Variants in GNAT3 observed in about 807,000 individuals in gnomAD.
GNAT3 encodes guanine nucleotide-binding protein G(t) subunit alpha-3.
A neutral mutation model predicts 37.7 loss-of-function variants in GNAT3; 31 were observed. The observed-to-expected ratio is 0.82, with a 90% confidence interval of 0.62 to 1.11. The LOEUF is 1.11. Among genes scored for constraint, GNAT3 ranks in the 50% most tolerant of loss-of-function variants. The pLI, the probability that GNAT3 is intolerant of heterozygous loss-of-function variation, is 0.00. For synonymous variants in GNAT3, 138 were observed against 139.8 expected (o/e 0.99, Z 0.09); for missense variants, 437 against 412.5 (o/e 1.06, Z -0.51).
At chr7:80,470,225 T>C (rs1262320061) in intron 5 of GNAT3, among the ~76,000 whole-genome samples, 9 of 152,152 alleles carry the variant, frequency 5.9e-5, no homozygotes, top group Admixed American at 5.2e-4. Flanking sequence ...TGTTCTTTTT[T>C]TTTTTTCTTT....
At chr7:80,494,545 A>G (rs530102149) in intron 2 of GNAT3, 60 bp downstream of exon 2, 1 of 890,966 alleles carries the variant, frequency 1.1e-6, no homozygotes, top group African/African-American at 1.7e-5. Context: ...GTATTTTAAG[A>G]ATGGTCAAAT....
intron 3 of GNAT3, among the ~76,000 whole-genome samples, chr7:80,486,114 ATTTT>A (rs1175981288): frequency 6.6e-6 from 1 of 152,204 alleles, no homozygotes; most frequent in African/African-American, 2.4e-5. Context: ...TAAATAAACA[ATTTT>A]AAACAGGTCA....
Position 80,488,530 on chromosome 7 carries a change from C to T in GNAT3, c.303+5G>A. On this transcript the variant is annotated splice_donor_5th_base_variant and intron_variant, in intron 3 of 7. Transcript: ENST00000398291. ...ACATACAGCTGTCATTATTTGCATA[C>T]TTACTGCACTTCTGGGATTTACATA... 6.3e-7 allele frequency: 1 copy of T among 1,598,028 alleles called. No individual in the cohort carries two copies. The highest frequency in any genetic ancestry group is 8.5e-7 in the Non-Finnish European group (1 of 1,170,610).
Position 80,462,219 on chromosome 7 carries a change from C to T in GNAT3, c.814G>A (p.Asp272Asn), listed in dbSNP as rs939987382. Residue 272 changes from aspartate to asparagine, a missense_variant, in exon 7 of 8, where the codon GAT becomes AAT. Asp to Asn is a conservative substitution (Grantham distance 23). Coordinates refer to ENST00000398291, the MANE Select transcript of GNAT3 (RefSeq NM_001102386.3). ...TSIVLFLNKK[D>N]IFQEKVTKVH... The stretch of plus-strand genomic sequence containing the variant: ...TTGGTTACCTTTTCTTGAAAGATAT[C>T]TTTTTTGTTGAGGAACAGGACAATG... 2 of 1,607,326 alleles carry T rather than the reference C, an allele frequency of 1.2e-6. No individual in the cohort carries two copies. Among genetic ancestry groups the T allele is most frequent in the East Asian group, 2.2e-5 (1 of 44,710 alleles).
At chr7:80,485,164 T>C (rs1316313494) in intron 3 of GNAT3, among the ~76,000 whole-genome samples, 2 of 102,416 alleles carry the variant, frequency 2.0e-5, no homozygotes, top group Admixed American at 1.1e-4. Flanking sequence ...GCAGAAAATA[T>C]TGTGTGTTTT....
chr7:80,485,291 A>G (rs57988109), intron 3 of GNAT3, among the ~76,000 whole-genome samples: 17,050 of 152,048 alleles, frequency 0.11, 2,600 homozygotes, highest in African/African-American at 0.34. Context: ...ATGCCATAGT[A>G]TAATGGCATG....
chr7:80,482,787 T>C, intron 3 of GNAT3, among the ~76,000 whole-genome samples: 1 of 150,798 alleles, frequency 6.6e-6, no homozygotes, highest in Non-Finnish European at 1.5e-5. Context: ...CACCTCGGGC[T>C]CCCAAAGTGC....
chr7:80,495,067 A>G (rs1027489349), intron 1 of GNAT3, among the ~76,000 whole-genome samples: 3 of 151,546 alleles, frequency 2.0e-5, no homozygotes, highest in Admixed American at 6.6e-5. Context: ...CATCAAAGAC[A>G]TGATTTTTTT....
intron 3 of GNAT3, among the ~76,000 whole-genome samples, chr7:80,487,293 C>T (rs917814100): frequency 2.0e-5 from 3 of 152,038 alleles, no homozygotes; most frequent in Admixed American, 6.6e-5. Context: ...TCTTGGAGTT[C>T]GACTCCTCCA....
intron 1 of GNAT3, among the ~76,000 whole-genome samples, chr7:80,497,536 A>C (rs1465554925): frequency 6.7e-6 from 1 of 149,512 alleles, no homozygotes; most frequent in African/African-American, 2.5e-5. Context: ...CTCTCTCTAT[A>C]TATATACACA....
At chr7:80,491,269 C>T (rs1014334928) in intron 2 of GNAT3, among the ~76,000 whole-genome samples, 9 of 151,986 alleles carry the variant, frequency 5.9e-5, no homozygotes, top group African/African-American at 2.2e-4. Context: ...TGTAGGCTGG[C>T]GTTGTTGTAA....
At chr7:80,483,119 C>T (rs571045692) in intron 3 of GNAT3, among the ~76,000 whole-genome samples, 1 of 152,218 alleles carries the variant, frequency 6.6e-6, no homozygotes, top group South Asian at 2.1e-4. Context: ...GATAGCAGAA[C>T]TGCAACCCAA....
intron 4 of GNAT3, among the ~76,000 whole-genome samples, chr7:80,475,947 A>G (rs1223813477): frequency 6.6e-6 from 1 of 152,124 alleles, no homozygotes; most frequent in Non-Finnish European, 1.5e-5. Flanking sequence ...AATGTATTGG[A>G]AAAAGTACTG....
rs189572398 is a variant in GNAT3 at position 80,474,214 on chromosome 7, A to G, written c.590+37T>C. Reference sequence around the variant, plus strand: ...TGAGGAAATATTAAGCCTGATGCATACTTCTGTCTACAGTTAGAAAAGATA... The same window carrying G: ...TGAGGAAATATTAAGCCTGATGCATGCTTCTGTCTACAGTTAGAAAAGATA... On this transcript the variant is annotated intron_variant, in intron 5 of 7. Coordinates refer to ENST00000398291, the MANE Select transcript of GNAT3 (RefSeq NM_001102386.3). 4.4e-4 allele frequency: 693 copies of G among 1,587,718 alleles called. 2 individuals are homozygous for G. The highest frequency in any genetic ancestry group is 3.7e-3 in the Middle Eastern group (22 of 5,992).
At chr7:80,483,565 C>T (rs1739880908) in intron 3 of GNAT3, among the ~76,000 whole-genome samples, 1 of 151,996 alleles carries the variant, frequency 6.6e-6, no homozygotes, top group African/African-American at 2.4e-5. Flanking sequence ...AAACCCAAAT[C>T]CCTTATCCCT....
rs1218652796 is a variant in GNAT3, at chr7:80,511,677, A to G, written c.118+132T>C. On this transcript the variant is annotated intron_variant, in intron 1 of 7. Coordinates refer to ENST00000398291, the MANE Select transcript of GNAT3 (RefSeq NM_001102386.3). ...GATAGAGTACAAATAAATTTTCCTT[A>G]AGTTTCCAAACACATTTTTATAATA... 6 of 568,928 alleles carry G rather than the reference A, an allele frequency of 1.1e-5. No homozygotes were observed. The East Asian group carries it at 1.8e-4, about 17-fold the overall frequency. 35.2% of individuals were successfully genotyped at this position (568,928 alleles called of 1,614,324 possible).
intron 7 of GNAT3, among the ~76,000 whole-genome samples, chr7:80,460,420 C>T (rs574749845): frequency 6.6e-6 from 1 of 152,242 alleles, no homozygotes; most frequent in East Asian, 1.9e-4. Flanking sequence ...TGTGGCAAAA[C>T]ACATAGAACT....
chr7:80,471,024 C>A (rs1160399147), intron 5 of GNAT3, among the ~76,000 whole-genome samples: 4 of 149,988 alleles, frequency 2.7e-5, no homozygotes, highest in African/African-American at 9.8e-5. Context: ...CGGCTGCCAG[C>A]ACAGCTAGAA....
At chr7:80,494,223 T>C (rs893727114) in intron 2 of GNAT3, among the ~76,000 whole-genome samples, 4 of 152,178 alleles carry the variant, frequency 2.6e-5, no homozygotes, top group African/African-American at 9.6e-5. Context: ...TATTCCCAGG[T>C]AGGCAAAATG....
Sources: gnomAD v4.1 joint callset for allele counts (sites outside exome capture counted in the v4.1 genomes callset) on GRCh38, gnomAD v4.1.1 for gene constraint, MANE v1.5 for transcripts, NCBI Gene and HGNC (gene_info 2026-07-23, HGNC 2026-07-21) for gene names.